The following SPATA31D3 variants were observed in gnomAD, a reference collection of about 807,000 sequenced individuals.
SPATA31D3 encodes the protein spermatogenesis-associated protein 31D3.
For missense variants in SPATA31D3, 91 were observed against 297.9 expected, an observed-to-expected ratio of 0.31 and a Z score of 5.11; for synonymous variants, 27 against 107.8, an observed-to-expected ratio of 0.25 and a Z score of 4.65.
Position 81,949,831 on chromosome 9 carries a change from A to T in SPATA31D3, c.*1824A>T, listed in dbSNP as rs1823999906. 1 of 1,083,220 alleles carries T rather than the reference A, an allele frequency of 9.2e-7. No homozygotes were observed. The highest frequency in any genetic ancestry group is 1.4e-6 in the Non-Finnish European group (1 of 715,252). The allele number at this position is 1,083,220 out of a possible 1,614,324, so 67.1% of individuals were successfully genotyped here. Reference sequence around the variant, plus strand: ...CCAGGAAGTTGGACATTTAAGGGGAAGATATTGTGTCAAAGGCATCCCCAA... The same window carrying T: ...CCAGGAAGTTGGACATTTAAGGGGATGATATTGTGTCAAAGGCATCCCCAA... On this transcript the variant is annotated 3_prime_UTR_variant, in exon 4 of 4. Transcript: ENST00000445385.
Position 81,947,976 on chromosome 9 carries a change from A to T in SPATA31D3, c.2723A>T (p.His908Leu). 3.2e-6 allele frequency: 5 copies of T among 1,549,838 alleles called. No homozygotes were observed. Among genetic ancestry groups the T allele is most frequent in the Non-Finnish European group, 4.3e-6 (5 of 1,151,552 alleles). The change falls in exon 4 of 4, where the codon CAT (histidine) becomes CTT (leucine). Residue 908 changes from histidine (H) to leucine (L), a missense_variant. Physicochemically the swap from His to Leu is moderately conservative, Grantham distance 99. Coordinates refer to ENST00000445385, the MANE Select transcript of SPATA31D3 (RefSeq NM_207416.3). ...TTGGAAGCCCATATTAAATCTTTCC[A>T]TATGAAGCCCATATTAAATCTTTCC... ...KMLEAHIKSFHMKPILNLSI is the reference protein window; with the variant it reads ...KMLEAHIKSFLMKPILNLSI
Position 81,950,047 on chromosome 9 carries a change from T to A in SPATA31D3, c.*2040T>A. 1 of 309,956 alleles carries A rather than the reference T, an allele frequency of 3.2e-6. No homozygotes were observed. The highest frequency in any genetic ancestry group is 6.0e-6 in the Non-Finnish European group (1 of 165,956). 19.2% of individuals were successfully genotyped at this position (309,956 alleles called of 1,614,324 possible). The stretch of plus-strand genomic sequence containing the variant: ...TTCCCCCCAAAAAATAATTAACTCC[T>A]TGTTGAGAATCTTGACTCTCCCCAA... On this transcript the variant is annotated 3_prime_UTR_variant, in exon 4 of 4. Transcript: ENST00000445385.
At position 81,950,048 on chromosome 9, in the gene SPATA31D3, T is replaced by A. The variant is rs781444632; in HGVS notation, c.*2041T>A. 3.9e-5 allele frequency: 12 copies of A among 310,468 alleles called. No individual in the cohort carries two copies. The highest frequency in any genetic ancestry group is 6.0e-5 in the Non-Finnish European group (10 of 166,376). 19.2% of individuals were successfully genotyped at this position (310,468 alleles called of 1,614,324 possible). A position where few individuals can be genotyped will look rare whatever the true frequency, so the allele number is the denominator to read the frequency against. On this transcript the variant is annotated 3_prime_UTR_variant, in exon 4 of 4. Coordinates refer to ENST00000445385, the MANE Select transcript of SPATA31D3 (RefSeq NM_207416.3). Reference sequence around the variant, plus strand: ...TCCCCCCAAAAAATAATTAACTCCTTGTTGAGAATCTTGACTCTCCCCAAT... The same window carrying A: ...TCCCCCCAAAAAATAATTAACTCCTAGTTGAGAATCTTGACTCTCCCCAAT...
chr9:81,945,319 C>CTTTTTTTT, intron 3 of SPATA31D3, 87 bp downstream of exon 3: 1 of 187,256 alleles, frequency 5.3e-6, no homozygotes, highest in African/African-American at 1.4e-4. Context: ...TTTTTTTTTG[C>CTTTTTTTT]ATGTTCTATT....
At position 81,945,417 on chromosome 9, in the gene SPATA31D3, C is replaced by T. The variant is rs1242407921; in HGVS notation, c.294-130C>T. The T allele has an allele frequency of 1.9e-3, 364 of 190,972 alleles. No individual in the cohort carries two copies. In the African/African-American group the frequency reaches 0.032, roughly 17 times the overall value. The allele number at this position is 190,972 out of a possible 1,614,324, so 11.8% of individuals were successfully genotyped here. Reference sequence around the variant, plus strand: ...TGTGAATGAATGCTTTGAGGAGAGGCTATAGTGAGGTCATATGACCTCACA... The same window carrying T: ...TGTGAATGAATGCTTTGAGGAGAGGTTATAGTGAGGTCATATGACCTCACA... On this transcript the variant is annotated intron_variant, in intron 3 of 3. Transcript: ENST00000445385.
Position 81,949,507 on chromosome 9 carries a change from A to T in SPATA31D3, c.*1500A>T. 1 of 542,426 alleles carries T rather than the reference A, an allele frequency of 1.8e-6. No individual in the cohort carries two copies. The highest frequency in any genetic ancestry group is 3.5e-6 in the Non-Finnish European group (1 of 289,340). 33.6% of individuals were successfully genotyped at this position (542,426 alleles called of 1,614,324 possible). A position where few individuals can be genotyped will look rare whatever the true frequency, so the allele number is the denominator to read the frequency against. On this transcript the variant is annotated 3_prime_UTR_variant, in exon 4 of 4. Transcript: ENST00000445385. The stretch of plus-strand genomic sequence containing the variant: ...AAGTAGAGCTGTCTTTACTGGGACT[A>T]TTGAAGCTCAGAAAATTAGGAAAGA...
chr9:81,948,059 A>C lies in SPATA31D3; in HGVS notation c.*52A>C. 1 of 1,594,528 alleles carries C rather than the reference A, an allele frequency of 6.3e-7. No homozygotes were observed. Among genetic ancestry groups the C allele is most frequent in the Non-Finnish European group, 8.5e-7 (1 of 1,170,914 alleles). On this transcript the variant is annotated 3_prime_UTR_variant, in exon 4 of 4. Transcript: ENST00000445385. ...ATCCGTGAACCCACAGAAATCTTCA[A>C]ATCAGAAGAGGATATTTCCAATTCC... is the stretch of plus-strand genomic sequence containing the variant.
In SPATA31D3 at chr9:81,947,637, G is replaced by A; in HGVS notation, c.2384G>A (p.Arg795Lys). 6.4e-7 allele frequency: 1 copy of A among 1,573,612 alleles called. No homozygotes were observed. The highest frequency in any genetic ancestry group is 8.6e-7 in the Non-Finnish European group (1 of 1,156,540). Reference sequence around the variant, plus strand: ...GAGACATCTTCAGAGGAGGATCTGAGGTCTAACTCTGAGAGAGACCTAGGA... The same window carrying A: ...GAGACATCTTCAGAGGAGGATCTGAAGTCTAACTCTGAGAGAGACCTAGGA... ...DPETSSEEDLRSNSERDLGTH... is the reference protein window; with the variant it reads ...DPETSSEEDLKSNSERDLGTH... Residue 795 changes from arginine to lysine, a missense_variant, in exon 4 of 4, where the codon AGG (arginine) becomes AAG (lysine). By Grantham distance (26) the Arg-to-Lys change is conservative (BLOSUM62 2). Transcript: ENST00000445385.
Position 81,945,592 on chromosome 9 carries a change from T to C in SPATA31D3, c.339T>C (p.Asp113=). The C allele has an allele frequency of 6.7e-6, 1 of 148,530 alleles. No individual in the cohort carries two copies. The highest frequency in any genetic ancestry group is 1.1e-5 in the Non-Finnish European group (1 of 88,298). The allele number at this position is 148,530 out of a possible 1,614,324, so 9.2% of individuals were successfully genotyped here. A position where few individuals can be genotyped will look rare whatever the true frequency, so the allele number is the denominator to read the frequency against. The change falls in exon 4 of 4, where the codon GAT becomes GAC. Residue 113 remains aspartate (D), a synonymous_variant. Transcript: ENST00000445385. Reference sequence around the variant, plus strand: ...GCAGTCCCCTGGGCCAGCATCATGATACCACCCTCTTTCGTCGACTGTTAT... The same window carrying C: ...GCAGTCCCCTGGGCCAGCATCATGACACCACCCTCTTTCGTCGACTGTTAT... ...VSCSPLGQHH[D]TTLFRRLLCP... is the part of the protein sequence containing the mutation.
In SPATA31D3 at chr9:81,949,796, A is replaced by T. The variant is rs1312226243; in HGVS notation, c.*1789A>T. 13 of 1,281,372 alleles carry T rather than the reference A, an allele frequency of 1.0e-5. No homozygotes were observed. The highest frequency in any genetic ancestry group is 1.5e-5 in the African/African-American group (1 of 67,972). The allele number at this position is 1,281,372 out of a possible 1,614,324, so 79.4% of individuals were successfully genotyped here. A position where few individuals can be genotyped will look rare whatever the true frequency, so the allele number is the denominator to read the frequency against. On this transcript the variant is annotated 3_prime_UTR_variant, in exon 4 of 4. Transcript: ENST00000445385. ...ATGATTAGACAGATCATAGACAAGG[A>T]CAGATAGCCCCAGGAAGTTGGACAT...
rs780214099 is a variant in SPATA31D3, at chr9:81,949,388, C to G, written c.*1381C>G. On this transcript the variant is annotated 3_prime_UTR_variant, in exon 4 of 4. Transcript: ENST00000445385. ...TTGATGAAGACCTTTTTGCAGCAGT[C>G]TAATAAACCCATCATAACATATGGA... is the stretch of plus-strand genomic sequence containing the variant. 17 of 357,388 alleles carry G rather than the reference C, an allele frequency of 4.8e-5. No homozygotes were observed. Among genetic ancestry groups the G allele is most frequent in the Non-Finnish European group, 8.9e-5 (16 of 180,532 alleles). 22.1% of individuals were successfully genotyped at this position (357,388 alleles called of 1,614,324 possible).
rs1353353298 is a variant in SPATA31D3, at chr9:81,947,943, A to G, written c.2690A>G (p.Gln897Arg). ...QEMSFLSSNK[Q>R]KMLEAHIKSF... The stretch of plus-strand genomic sequence containing the variant: ...ATGTCCTTCCTTAGTTCCAACAAAC[A>G]AAAGATGTTGGAAGCCCATATTAAA... The change falls in exon 4 of 4, where the codon CAA (glutamine) becomes CGA (arginine). Residue 897 changes from glutamine (Q) to arginine (R), a missense_variant. Physicochemically the swap from Gln to Arg is conservative, Grantham distance 43. Coordinates refer to ENST00000445385, the MANE Select transcript of SPATA31D3 (RefSeq NM_207416.3). 1 of 1,600,002 alleles carries G rather than the reference A, an allele frequency of 6.2e-7. No homozygotes were observed. Among genetic ancestry groups the G allele is most frequent in the Non-Finnish European group, 8.5e-7 (1 of 1,173,390 alleles).
chr9:81,949,641 G>A lies in SPATA31D3; in HGVS notation c.*1634G>A, dbSNP rs1823987402. 1 of 894,542 alleles carries A rather than the reference G, an allele frequency of 1.1e-6. No homozygotes were observed. Among genetic ancestry groups the A allele is most frequent in the South Asian group, 1.4e-5 (1 of 72,320 alleles). 55.4% of individuals were successfully genotyped at this position (894,542 alleles called of 1,614,324 possible). On this transcript the variant is annotated 3_prime_UTR_variant, in exon 4 of 4. Transcript: ENST00000445385. ...TGCAGCTTGGGAAATCTCAGAATGTGCCAGAACTGCAGGTCAGAGCAGAGC... is the reference window on the plus strand; with the variant it reads ...TGCAGCTTGGGAAATCTCAGAATGTACCAGAACTGCAGGTCAGAGCAGAGC...
At position 81,945,217 on chromosome 9, in the gene SPATA31D3, A is replaced by C; in HGVS notation, c.278A>C (p.His93Pro). 1 of 947,496 alleles carries C rather than the reference A, an allele frequency of 1.1e-6. No individual in the cohort carries two copies. The highest frequency in any genetic ancestry group is 1.4e-6 in the Non-Finnish European group (1 of 728,856). 58.7% of individuals were successfully genotyped at this position (947,496 alleles called of 1,614,324 possible). Residue 93 changes from histidine to proline, a missense_variant, in exon 3 of 4, where the codon CAT becomes CCT. Transcript: ENST00000445385. ...GAAGCAGAAGAGGAAAGAAAGCTAC[A>C]TTCTTTTCTGAAAAGGTGATTAATC... ...QKEAEEERKLHSFLKSFGPPV... is the reference protein window; with the variant it reads ...QKEAEEERKLPSFLKSFGPPV...
At position 81,947,569 on chromosome 9, in the gene SPATA31D3, C is replaced by G; in HGVS notation, c.2316C>G (p.Cys772Trp). The change falls in exon 4 of 4, where the codon TGC (cysteine) becomes TGG (tryptophan). Residue 772 changes from cysteine (C) to tryptophan (W), a missense_variant. Transcript: ENST00000445385. ...AGAATGTGGGGAATTATCAGGGATG[C>G]AGCCAGGAGACTGCCCCAAAAAACC... ...SMENVGNYQG[C>W]SQETAPKNHL... The G allele has an allele frequency of 6.4e-7, 1 of 1,554,272 alleles. No individual in the cohort carries two copies. The highest frequency in any genetic ancestry group is 8.7e-7 in the Non-Finnish European group (1 of 1,148,018).
chr9:81,949,912 C>G lies in SPATA31D3; in HGVS notation c.*1905C>G. 1 of 625,158 alleles carries G rather than the reference C, an allele frequency of 1.6e-6. No individual in the cohort carries two copies. The highest frequency in any genetic ancestry group is 2.7e-4 in the Middle Eastern group (1 of 3,732). The allele number at this position is 625,158 out of a possible 1,614,324, so 38.7% of individuals were successfully genotyped here. ...CCAAACCCCACTTGCAGTGTGAAGT[C>G]AACCTGGTGCCTCCGGTCATCCTGA... On this transcript the variant is annotated 3_prime_UTR_variant, in exon 4 of 4. Coordinates refer to ENST00000445385, the MANE Select transcript of SPATA31D3 (RefSeq NM_207416.3).
Position 81,949,919 on chromosome 9 carries a change from G to T in SPATA31D3, c.*1912G>T. 1 of 605,014 alleles carries T rather than the reference G, an allele frequency of 1.7e-6. No individual in the cohort carries two copies. Among genetic ancestry groups the T allele is most frequent in the Non-Finnish European group, 3.0e-6 (1 of 335,612 alleles). 37.5% of individuals were successfully genotyped at this position (605,014 alleles called of 1,614,324 possible). ...CCACTTGCAGTGTGAAGTCAACCTG[G>T]TGCCTCCGGTCATCCTGACCAGTGC... is the stretch of plus-strand genomic sequence containing the variant. On this transcript the variant is annotated 3_prime_UTR_variant, in exon 4 of 4. Transcript: ENST00000445385.
In SPATA31D3 at chr9:81,949,773, G is replaced by T. The variant is rs2133373561; in HGVS notation, c.*1766G>T. On this transcript the variant is annotated 3_prime_UTR_variant, in exon 4 of 4. Transcript: ENST00000445385. ...TTGTCGGCCAGAATTATCCTGCAAT[G>T]ATTAGACAGATCATAGACAAGGACA... 7.5e-7 allele frequency: 1 copy of T among 1,340,322 alleles called. No homozygotes were observed. The highest frequency in any genetic ancestry group is 1.1e-6 in the Non-Finnish European group (1 of 935,650). The allele number at this position is 1,340,322 out of a possible 1,614,324, so 83.0% of individuals were successfully genotyped here. A position where few individuals can be genotyped will look rare whatever the true frequency, so the allele number is the denominator to read the frequency against.
Position 81,949,861 on chromosome 9 carries a change from T to C in SPATA31D3, c.*1854T>C. 4 of 878,044 alleles carry C rather than the reference T, an allele frequency of 4.6e-6. No homozygotes were observed. The South Asian group carries it at 6.3e-5, about 14-fold the overall frequency. 54.4% of individuals were successfully genotyped at this position (878,044 alleles called of 1,614,324 possible). ...TTGTGTCAAAGGCATCCCCAATCCA[T>C]GCCCCACAGGAAGCCTGTGCCACAG... On this transcript the variant is annotated 3_prime_UTR_variant, in exon 4 of 4. Transcript: ENST00000445385.
Sources: allele counts gnomAD v4.1 joint callset, GRCh38; gene constraint gnomAD v4.1.1; transcripts MANE v1.5; gene names NCBI Gene and HGNC (gene_info 2026-07-23, HGNC 2026-07-21).